Variants in KATNIP observed in about 807,000 individuals in gnomAD.
KATNIP encodes the protein katanin interacting protein, also known as katanin-interacting protein.
KATNIP carries 126 observed loss-of-function variants against 174.0 expected under a neutral mutation model. The observed-to-expected ratio is 0.72, with a 90% confidence interval of 0.63 to 0.84. The LOEUF is 0.84. Ranked by LOEUF, KATNIP falls within the 40% of genes least tolerant of loss-of-function variation. KATNIP has a pLI of 0.00. For missense variants in KATNIP, 1,958 were observed against 2,109.7 expected (o/e 0.93, Z 1.41); for synonymous variants, 810 against 835.7 (o/e 0.97, Z 0.53).
intron 23 of KATNIP, among the ~76,000 whole-genome samples, chr16:27,774,304 A>G (rs1458784622): frequency 2.6e-5 from 4 of 152,154 alleles, no homozygotes; most frequent in African/African-American, 9.7e-5. Flanking sequence ...ATAAAGTTTC[A>G]TTGATTTTAC....
At chr16:27,663,474 G>A (rs1283562790) in intron 6 of KATNIP, among the ~76,000 whole-genome samples, 1 of 150,966 alleles carries the variant, frequency 6.6e-6, no homozygotes, top group Non-Finnish European at 1.5e-5. Flanking sequence ...ACAGAGTATT[G>A]CTCTGTCGCC....
intron 13 of KATNIP, among the ~76,000 whole-genome samples, chr16:27,712,204 T>C (rs1257246097): frequency 6.6e-6 from 1 of 152,204 alleles, no homozygotes; most frequent in East Asian, 1.9e-4. Flanking sequence ...GGCCCTGCGA[T>C]TGGGACATGA....
At chr16:27,607,417 A>G (rs1488197843) in intron 2 of KATNIP, among the ~76,000 whole-genome samples, 1 of 152,128 alleles carries the variant, frequency 6.6e-6, no homozygotes, top group African/African-American at 2.4e-5. Flanking sequence ...GCACCCACAG[A>G]CAGCACTGAT....
intron 2 of KATNIP, among the ~76,000 whole-genome samples, chr16:27,612,313 G>A (rs2075913921): frequency 6.6e-6 from 1 of 152,126 alleles, no homozygotes; most frequent in African/African-American, 2.4e-5. Context: ...AACCAGGCTG[G>A]ACTGCAGAGC....
At chr16:27,747,404 C>A (rs2081331385) in intron 15 of KATNIP, among the ~76,000 whole-genome samples, 1 of 151,710 alleles carries the variant, frequency 6.6e-6, no homozygotes, top group Non-Finnish European at 1.5e-5. Flanking sequence ...TGACTTTAGG[C>A]ACAGCTGGAT....
chr16:27,617,666 T>C (rs1479064919), intron 2 of KATNIP, among the ~76,000 whole-genome samples: 2 of 152,232 alleles, frequency 1.3e-5, no homozygotes, highest in Non-Finnish European at 2.9e-5. Context: ...GTCTGGGTCA[T>C]AGATTTCTGT....
At chr16:27,731,078 G>A (rs149513503) in intron 14 of KATNIP, among the ~76,000 whole-genome samples, 179 of 152,258 alleles carry the variant, frequency 1.2e-3, no homozygotes, top group African/African-American at 4.1e-3. Flanking sequence ...TCTTCAAGGC[G>A]AGGACCCTGG....
intron 1 of KATNIP, among the ~76,000 whole-genome samples, chr16:27,557,240 C>G (rs2089667748): frequency 6.6e-6 from 1 of 151,014 alleles, no homozygotes; most frequent in South Asian, 2.1e-4. Context: ...CTCCCGAGTT[C>G]CAGTGATTCT....
At chr16:27,666,444 G>A (rs2077685757) in intron 6 of KATNIP, among the ~76,000 whole-genome samples, 1 of 148,896 alleles carries the variant, frequency 6.7e-6, no homozygotes, top group Non-Finnish European at 1.5e-5. Context: ...TTTTGACAGA[G>A]TCTCACTCTG....
chr16:27,634,887 G>A (rs1252583320), intron 5 of KATNIP, among the ~76,000 whole-genome samples: 4 of 152,168 alleles, frequency 2.6e-5, no homozygotes, highest in African/African-American at 7.2e-5. Context: ...GCCGCCAAAC[G>A]AGGAGATGGA....
At chr16:27,700,437 C>T (rs2079056503) in intron 10 of KATNIP, among the ~76,000 whole-genome samples, 1 of 152,050 alleles carries the variant, frequency 6.6e-6, no homozygotes, top group South Asian at 2.1e-4. Context: ...CAGATGAGCC[C>T]CAGCCCCATG....
chr16:27,683,250 G>A (rs1276207401), intron 8 of KATNIP, among the ~76,000 whole-genome samples: 1 of 152,206 alleles, frequency 6.6e-6, no homozygotes, highest in Non-Finnish European at 1.5e-5. Flanking sequence ...GCTTCAGCCT[G>A]TAGTGACCAG....
intron 18 of KATNIP, chr16:27,755,202 T>G (rs1597384905): frequency 6.6e-6 from 1 of 152,316 alleles, no homozygotes; most frequent in East Asian, 1.9e-4. Context: ...CATCCTCATC[T>G]CCAAAATGAA....
At chr16:27,594,016 C>G (rs925399504) in intron 2 of KATNIP, among the ~76,000 whole-genome samples, 2 of 151,804 alleles carry the variant, frequency 1.3e-5, no homozygotes, top group South Asian at 4.2e-4. Flanking sequence ...AAGTGAGGCC[C>G]TAAGTCACAC....
intron 2 of KATNIP, among the ~76,000 whole-genome samples, chr16:27,598,017 C>T (rs1187297363): frequency 6.6e-6 from 1 of 152,060 alleles, no homozygotes; most frequent in Non-Finnish European, 1.5e-5. Flanking sequence ...CGTCTGAGCT[C>T]GGAAGTTCAA....
chr16:27,771,494 C>T (rs767577078), intron 21 of KATNIP, 94 bp from the exon 22 acceptor site: 140 of 1,232,772 alleles, frequency 1.1e-4, no homozygotes, highest in Middle Eastern at 1.9e-4. Context: ...GCTAAACTGC[C>T]ATGTTTCTTC....
At chr16:27,665,745 C>T (rs554352105) in intron 6 of KATNIP, among the ~76,000 whole-genome samples, 2 of 151,788 alleles carry the variant, frequency 1.3e-5, no homozygotes, top group South Asian at 2.1e-4. Context: ...GGACTACAGG[C>T]GTGTGCCACC....
chr16:27,585,062 G>A (rs895605391), intron 2 of KATNIP, among the ~76,000 whole-genome samples: 2 of 152,120 alleles, frequency 1.3e-5, no homozygotes, highest in African/African-American at 4.8e-5. Context: ...CCAAACTCCT[G>A]TGACCACAGG....
rs2077203759 is a variant in KATNIP at position 27,654,409 on chromosome 16, TTGAC to T, written c.540+5677_540+5680del. On this transcript the variant is annotated intron_variant, in intron 6 of 27. Transcript: ENST00000261588. ...TGGCCTGAGTTTGGATCCTGGTCCA[TTGAC>T]TGGCTGTGTGCCAGCAATGGTGTTG... 2.0e-5 allele frequency among the ~76,000 whole-genome samples: 3 copies of T among 152,322 alleles called. No homozygotes were observed. In the South Asian group the frequency reaches 6.2e-4, roughly 32 times the overall value.
Sources: allele counts gnomAD v4.1 joint callset (sites outside exome capture counted in the v4.1 genomes callset), GRCh38; gene constraint gnomAD v4.1.1; transcripts MANE v1.5; gene names NCBI Gene and HGNC (gene_info 2026-07-23, HGNC 2026-07-21).